CHL1: variants seen among roughly 807,000 people sequenced by gnomAD.
CHL1 encodes the protein cell adhesion molecule L1 like, also known as neural cell adhesion molecule L1-like protein.
A neutral mutation model predicts 141.9 loss-of-function variants in CHL1; 96 were observed. The observed-to-expected ratio is 0.68, with a 90% CI of 0.57 to 0.80. The LOEUF is 0.80. Ranked by LOEUF, CHL1 falls within the 30% of genes least tolerant of loss-of-function variation. The pLI is 0.00. For synonymous variants in CHL1, 613 were observed against 502.2 expected (o/e 1.22, Z -2.95); for missense variants, 1,820 against 1,457.2 (o/e 1.25, Z -4.05).
intron 2 of CHL1, among the ~76,000 whole-genome samples, chr3:299,476 A>G (rs1698514579): frequency 6.6e-6 from 1 of 152,196 alleles, no homozygotes; most frequent in Admixed American, 6.5e-5. Context: ...CTCAGATGAT[A>G]TATTAGGCCA....
chr3:245,471 G>A (rs182646296), intron 2 of CHL1, among the ~76,000 whole-genome samples: 18 of 152,234 alleles, frequency 1.2e-4, no homozygotes, highest in Admixed American at 8.5e-4. Context: ...GGTTCAGTAA[G>A]TGCCAATAAT....
intron 1 of CHL1, among the ~76,000 whole-genome samples, chr3:242,641 A>G (rs1171724647): frequency 6.6e-6 from 1 of 150,932 alleles, no homozygotes; most frequent in Non-Finnish European, 1.5e-5. Context: ...TACAGAGATA[A>G]TTCTTCATTT....
At chr3:218,665 T>C (rs332457) in intron 1 of CHL1, among the ~76,000 whole-genome samples, 124,829 of 152,142 alleles carry the variant, frequency 0.82, 52,766 homozygotes, top group East Asian at 1. Context: ...AACTTTCAAA[T>C]CTATGTGAAA....
At chr3:365,378 A>G (rs1356978183) in intron 14 of CHL1, among the ~76,000 whole-genome samples, 1 of 152,210 alleles carries the variant, frequency 6.6e-6, no homozygotes, top group Non-Finnish European at 1.5e-5. Flanking sequence ...AAGGAGACTT[A>G]ACACTATGTA....
At chr3:347,644 T>A (rs942752643) in intron 9 of CHL1, among the ~76,000 whole-genome samples, 6 of 152,342 alleles carry the variant, frequency 3.9e-5, no homozygotes, top group African/African-American at 1.4e-4. Context: ...GAAAAAATCC[T>A]GTTTTAGGGG....
Position 359,314 on chromosome 3 carries a change from T to C in CHL1, c.1166-970T>C, listed in dbSNP as rs1703996884. 2.0e-5 allele frequency among the ~76,000 whole-genome samples: 3 copies of C among 152,078 alleles called. No homozygotes were observed. In the South Asian group the frequency reaches 6.2e-4, roughly 32 times the overall value. ...TTTTTTTTCTTCCTTTTCTTTTTCT[T>C]CACTTTTATTTTAAAGTCTCTCTCC... On this transcript the variant is annotated intron_variant, in intron 11 of 27. Coordinates refer to ENST00000256509, the MANE Select transcript of CHL1 (RefSeq NM_006614.4).
intron 2 of CHL1, among the ~76,000 whole-genome samples, chr3:280,903 C>A (rs1696584273): frequency 6.6e-6 from 1 of 150,908 alleles, no homozygotes; most frequent in South Asian, 2.1e-4. Context: ...CACACACACA[C>A]ACACATGCAC....
intron 9 of CHL1, among the ~76,000 whole-genome samples, 200 bp from the exon 10 acceptor site, chr3:349,159 A>G (rs1703023080): frequency 2.0e-5 from 3 of 152,192 alleles, no homozygotes; most frequent in Admixed American, 2.0e-4. Context: ...AGGAACTTTC[A>G]GTGAAAGAGA....
chr3:325,317 T>C (rs1321536126), intron 3 of CHL1, among the ~76,000 whole-genome samples: 2 of 152,050 alleles, frequency 1.3e-5, no homozygotes, highest in Non-Finnish European at 2.9e-5. Flanking sequence ...GTATATATTC[T>C]GTGGTGAAAT....
intron 19 of CHL1, 127 bp downstream of exon 19, chr3:384,013 C>T: frequency 1.7e-6 from 1 of 586,992 alleles, no homozygotes; most frequent in Non-Finnish European, 3.0e-6. Flanking sequence ...ATGAAATTAA[C>T]TTGTGAGTCA....
chr3:217,828 T>C (rs939860884), intron 1 of CHL1: 1 of 152,164 alleles, frequency 6.6e-6, no homozygotes, highest in African/African-American at 2.4e-5. Context: ...TCTATATGTA[T>C]ATATATTTAT....
chr3:229,939 A>C (rs2125034162), intron 1 of CHL1, among the ~76,000 whole-genome samples: 1 of 152,204 alleles, frequency 6.6e-6, no homozygotes, highest in African/African-American at 2.4e-5. Context: ...GGGAAGAGTC[A>C]CATCTCCTTG....
At chr3:259,092 C>T (rs899976427) in intron 2 of CHL1, among the ~76,000 whole-genome samples, 1 of 151,954 alleles carries the variant, frequency 6.6e-6, no homozygotes, top group African/African-American at 2.4e-5. Flanking sequence ...TGCCACCATG[C>T]ATGTCTTTTT....
intron 13 of CHL1, among the ~76,000 whole-genome samples, chr3:362,646 C>T (rs552021975): frequency 6.6e-6 from 1 of 151,556 alleles, no homozygotes; most frequent in Non-Finnish European, 1.5e-5. Flanking sequence ...GAAACTCAAG[C>T]AGTCGCTTAT....
chr3:216,127 A>T (rs1269189477), intron 1 of CHL1, among the ~76,000 whole-genome samples: 1 of 152,216 alleles, frequency 6.6e-6, no homozygotes, highest in African/African-American at 2.4e-5. Flanking sequence ...TGTGTAAAAA[A>T]TACCACTGTA....
intron 13 of CHL1, among the ~76,000 whole-genome samples, chr3:362,388 T>C (rs1483922544): frequency 6.6e-6 from 1 of 152,206 alleles, no homozygotes; most frequent in African/African-American, 2.4e-5. Context: ...CCCCAGGTCA[T>C]AAATTTATAG....
intron 15 of CHL1, among the ~76,000 whole-genome samples, chr3:367,906 G>C (rs1233680898): frequency 6.6e-6 from 1 of 152,052 alleles, no homozygotes. Context: ...CTTCATCCAT[G>C]TCCCTGAAAA....
At chr3:291,319 T>A (rs539627796) in intron 2 of CHL1, among the ~76,000 whole-genome samples, 1 of 152,180 alleles carries the variant, frequency 6.6e-6, no homozygotes, top group Non-Finnish European at 1.5e-5. Flanking sequence ...ATTTCCTTAT[T>A]ATTGCAAATG....
chr3:267,785 A>G (rs1695283356), intron 2 of CHL1, among the ~76,000 whole-genome samples: 1 of 152,202 alleles, frequency 6.6e-6, no homozygotes. Context: ...TCTCCCTAAG[A>G]CTCAAGATGT....
Sources: allele counts gnomAD v4.1 joint callset (sites outside exome capture counted in the v4.1 genomes callset), GRCh38; gene constraint gnomAD v4.1.1; transcripts MANE v1.5; gene names NCBI Gene and HGNC (gene_info 2026-07-23, HGNC 2026-07-21).